Variants in FER observed in about 807,000 individuals in gnomAD.
FER encodes tyrosine-protein kinase Fer.
Under a neutral mutation model 111.0 loss-of-function variants are expected in FER, and 63 were observed. The ratio of observed to expected loss-of-function variants is 0.57; its 90% CI spans 0.46 to 0.70. The LOEUF is 0.70. Among genes scored for constraint, FER ranks in the 30% least tolerant of loss-of-function variants. The pLI, the probability that FER is intolerant of heterozygous loss-of-function variation, is 0.00. For missense variants in FER, 914 were observed against 954.0 expected, an observed-to-expected ratio of 0.96 and a Z score of 0.55; for synonymous variants, 327 against 313.9, an observed-to-expected ratio of 1.04 and a Z score of -0.44.
At chr5:109,086,703 A>T (rs1323917904) in intron 16 of FER, among the ~76,000 whole-genome samples, 1 of 151,462 alleles carries the variant, frequency 6.6e-6, no homozygotes, top group African/African-American at 2.4e-5. Flanking sequence ...ATAAATTCTG[A>T]TTATACTTCA....
chr5:108,913,235 G>A (rs1751801748), intron 10 of FER, among the ~76,000 whole-genome samples: 2 of 152,064 alleles, frequency 1.3e-5, no homozygotes, highest in Middle Eastern at 3.2e-3. Flanking sequence ...GTAGGTACTC[G>A]ATAAATTTTT....
chr5:109,146,262 A>ATATTATCTATC (rs1288103011), intron 17 of FER, among the ~76,000 whole-genome samples: 1 of 89,562 alleles, frequency 1.1e-5, no homozygotes, highest in African/African-American at 4.7e-5. Context: ...TAATATATAT[A>ATATTATCTATC]TATATATATA....
intron 16 of FER, among the ~76,000 whole-genome samples, chr5:109,058,262 T>A (rs1477913934): frequency 1.3e-5 from 2 of 152,168 alleles, no homozygotes; most frequent in Non-Finnish European, 2.9e-5. Flanking sequence ...AATGAATGAA[T>A]GACAAATGAC....
intron 2 of FER, among the ~76,000 whole-genome samples, chr5:108,768,625 C>T (rs1340402228): frequency 2.0e-5 from 3 of 152,096 alleles, no homozygotes; most frequent in Non-Finnish European, 2.9e-5. Context: ...TTATTAATCT[C>T]ATTGTCTAAT....
intron 17 of FER, among the ~76,000 whole-genome samples, chr5:109,149,620 C>T (rs1208346128): frequency 6.6e-6 from 1 of 152,084 alleles, no homozygotes; most frequent in African/African-American, 2.4e-5. Context: ...CTCACAATGG[C>T]AAGTGTTGGA....
intron 10 of FER, among the ~76,000 whole-genome samples, chr5:108,903,888 C>T (rs1431511321): frequency 6.6e-6 from 1 of 152,196 alleles, no homozygotes; most frequent in East Asian, 1.9e-4. Context: ...TGTCCCAGTT[C>T]TCTTCCTTAG....
At chr5:108,762,625 T>C (rs973463084) in intron 1 of FER, among the ~76,000 whole-genome samples, 3 of 152,220 alleles carry the variant, frequency 2.0e-5, no homozygotes, top group African/African-American at 7.2e-5. Flanking sequence ...CCTTCCTTCA[T>C]GCAGGATCTT....
At chr5:109,022,927 G>T (rs1401542368) in intron 13 of FER, among the ~76,000 whole-genome samples, 1 of 151,912 alleles carries the variant, frequency 6.6e-6, no homozygotes, top group Admixed American at 6.6e-5. Context: ...ATAGATAATA[G>T]CTTGGTTTTT....
chr5:109,062,380 G>T (rs1355834997), intron 16 of FER, among the ~76,000 whole-genome samples: 1 of 152,024 alleles, frequency 6.6e-6, no homozygotes, highest in Non-Finnish European at 1.5e-5. Flanking sequence ...CAAAAAATTA[G>T]CTGGGCATGG....
chr5:109,156,573 A>G (rs1194191636), intron 17 of FER, among the ~76,000 whole-genome samples: 1 of 151,986 alleles, frequency 6.6e-6, no homozygotes, highest in Non-Finnish European at 1.5e-5. Context: ...CCATAGAAGT[A>G]TATGAGATGA....
chr5:108,883,214 T>G (rs1177451900), intron 8 of FER, among the ~76,000 whole-genome samples, 182 bp from the exon 9 acceptor site: 1 of 152,064 alleles, frequency 6.6e-6, no homozygotes, highest in Non-Finnish European at 1.5e-5. Flanking sequence ...TAGCTACATT[T>G]CTGTTTAGCA....
intron 17 of FER, among the ~76,000 whole-genome samples, chr5:109,172,273 G>T (rs1209586013): frequency 2.0e-5 from 3 of 151,754 alleles, no homozygotes; most frequent in Admixed American, 6.6e-5. Flanking sequence ...AGAAAATGTG[G>T]CACATATACA....
At chr5:108,876,367 G>A (rs1765088627) in intron 8 of FER, among the ~76,000 whole-genome samples, 1 of 152,192 alleles carries the variant, frequency 6.6e-6, no homozygotes, top group Admixed American at 6.5e-5. Flanking sequence ...GCAGAGCCAA[G>A]CAGTTGTGAC....
chr5:109,169,474 G>C (rs1368768617), intron 17 of FER, among the ~76,000 whole-genome samples: 1 of 151,922 alleles, frequency 6.6e-6, no homozygotes, highest in Non-Finnish European at 1.5e-5. Context: ...AAGTCACCTG[G>C]GATATTACTT....
chr5:108,919,874 T>C (rs1171146931), intron 10 of FER, among the ~76,000 whole-genome samples: 1 of 152,128 alleles, frequency 6.6e-6, no homozygotes, highest in East Asian at 1.9e-4. Context: ...TCACATAACC[T>C]CTCTGAGATA....
At chr5:109,141,641 T>C (rs527294713) in intron 17 of FER, among the ~76,000 whole-genome samples, 44 of 152,280 alleles carry the variant, frequency 2.9e-4, no homozygotes, top group African/African-American at 8.7e-4. Context: ...GTCAGTTACT[T>C]CCACAATCAT....
intron 9 of FER, among the ~76,000 whole-genome samples, chr5:108,887,097 C>T (rs1581056649): frequency 6.6e-6 from 1 of 151,592 alleles, no homozygotes; most frequent in East Asian, 1.9e-4. Context: ...CTTTACTTCT[C>T]AACACTTTGT....
chr5:109,126,144 G>A (rs1367832817), intron 17 of FER, among the ~76,000 whole-genome samples: 4 of 152,138 alleles, frequency 2.6e-5, no homozygotes, highest in Non-Finnish European at 5.9e-5. Context: ...GTAGTTCTTA[G>A]CTGTAAAACA....
chr5:108,768,911 G>A (rs1580432638), intron 2 of FER, among the ~76,000 whole-genome samples: 1 of 151,462 alleles, frequency 6.6e-6, no homozygotes, highest in South Asian at 2.1e-4. Flanking sequence ...TGCAACCTCC[G>A]CCTCCTGGGT....
Sources: allele counts gnomAD v4.1 joint callset (sites outside exome capture counted in the v4.1 genomes callset), GRCh38; gene constraint gnomAD v4.1.1; transcripts MANE v1.5; gene names NCBI Gene and HGNC (gene_info 2026-07-23, HGNC 2026-07-21).